The following GPR158 variants were observed in gnomAD, a reference collection of about 807,000 sequenced individuals.
The protein encoded by GPR158 is G protein-coupled receptor 158, also known as metabotropic glycine receptor.
In GPR158, 30 loss-of-function variants were observed where a neutral mutation model predicts 78.2. The ratio of observed to expected loss-of-function variants is 0.38; its 90% CI spans 0.29 to 0.52. GPR158 has a LOEUF of 0.52. Ranked by LOEUF, GPR158 falls within the 20% of genes least tolerant of loss-of-function variation. The pLI is 0.83. For missense variants in GPR158, 1,463 were observed against 1,523.5 expected (o/e 0.96, Z 0.66); for synonymous variants, 581 against 591.1 (o/e 0.98, Z 0.25).
chr10:25,323,901 C>T (rs1284163555), intron 2 of GPR158, among the ~76,000 whole-genome samples: 1 of 152,188 alleles, frequency 6.6e-6, no homozygotes, highest in Admixed American at 6.5e-5. Context: ...ATGTTATAGA[C>T]ATAGTTGCTT....
intron 4 of GPR158, among the ~76,000 whole-genome samples, chr10:25,447,202 G>T (rs1835148719): frequency 6.6e-6 from 1 of 152,130 alleles, no homozygotes; most frequent in African/African-American, 2.4e-5. Context: ...TTTATGTGCA[G>T]TGAGAAATGA....
intron 7 of GPR158, among the ~76,000 whole-genome samples, chr10:25,579,915 T>A (rs574085771): frequency 6.6e-6 from 1 of 152,354 alleles, no homozygotes; most frequent in South Asian, 2.1e-4. Flanking sequence ...ATCACTGATA[T>A]AGCCTAACTC....
intron 5 of GPR158, among the ~76,000 whole-genome samples, chr10:25,481,145 G>A (rs1412054686): frequency 6.6e-6 from 1 of 152,168 alleles, no homozygotes; most frequent in East Asian, 1.9e-4. Flanking sequence ...GGGATGATGA[G>A]CTCAACCAGC....
chr10:25,503,177 GA>G (rs1483635077), intron 5 of GPR158, among the ~76,000 whole-genome samples: 1 of 149,046 alleles, frequency 6.7e-6, no homozygotes, highest in Non-Finnish European at 1.5e-5. Context: ...CTCGTGACCA[GA>G]AGGGGCAACA....
At chr10:25,364,030 A>G (rs1019967064) in intron 2 of GPR158, among the ~76,000 whole-genome samples, 1 of 151,972 alleles carries the variant, frequency 6.6e-6, no homozygotes, top group African/African-American at 2.4e-5. Flanking sequence ...TGCTTAAAAT[A>G]ATGCCTAGCG....
chr10:25,315,103 T>C (rs981012502), intron 2 of GPR158, among the ~76,000 whole-genome samples: 2 of 152,048 alleles, frequency 1.3e-5, no homozygotes, highest in Admixed American at 6.6e-5. Flanking sequence ...GTGAGTTATA[T>C]AGCTCATGAG....
intron 1 of GPR158, among the ~76,000 whole-genome samples, chr10:25,199,672 G>A (rs1852893794): frequency 1.8e-5 from 1 of 57,116 alleles, no homozygotes; most frequent in Admixed American, 1.9e-4. Context: ...GTGTTTGGCA[G>A]TTTCTCCACT....
chr10:25,303,052 G>T (rs1443801668), intron 2 of GPR158, among the ~76,000 whole-genome samples: 7 of 152,114 alleles, frequency 4.6e-5, no homozygotes, highest in Middle Eastern at 3.2e-3. Flanking sequence ...TCAAGATGGA[G>T]AAATTAGATA....
chr10:25,327,565 C>G (rs958959644), intron 2 of GPR158, among the ~76,000 whole-genome samples: 1 of 151,780 alleles, frequency 6.6e-6, no homozygotes, highest in Non-Finnish European at 1.5e-5. Context: ...GATAAAGACT[C>G]TTCATCTGTG....
At chr10:25,432,139 A>T (rs894341408) in intron 4 of GPR158, among the ~76,000 whole-genome samples, 1 of 152,232 alleles carries the variant, frequency 6.6e-6, no homozygotes, top group Admixed American at 6.5e-5. Flanking sequence ...CTAAAAACCA[A>T]TCAAACAAAC....
chr10:25,529,067 G>C (rs1836389241), intron 5 of GPR158, among the ~76,000 whole-genome samples: 1 of 152,128 alleles, frequency 6.6e-6, no homozygotes, highest in Non-Finnish European at 1.5e-5. Flanking sequence ...ATATATGGGA[G>C]GAAGTAACAA....
chr10:25,581,810 C>T (rs1837203261), intron 7 of GPR158, among the ~76,000 whole-genome samples: 1 of 152,114 alleles, frequency 6.6e-6, no homozygotes, highest in African/African-American at 2.4e-5. Context: ...GTTCCCTCCC[C>T]AAACAATACC....
At chr10:25,488,609 C>T (rs995659220) in intron 5 of GPR158, among the ~76,000 whole-genome samples, 3 of 152,100 alleles carry the variant, frequency 2.0e-5, no homozygotes, top group East Asian at 1.9e-4. Flanking sequence ...ATACAGGCTT[C>T]GTTTTGTGGA....
At chr10:25,253,010 C>G (rs1034158051) in intron 2 of GPR158, among the ~76,000 whole-genome samples, 3 of 152,202 alleles carry the variant, frequency 2.0e-5, no homozygotes, top group Non-Finnish European at 2.9e-5. Context: ...GGGATATAGT[C>G]TCGTGGTGTG....
intron 4 of GPR158, among the ~76,000 whole-genome samples, chr10:25,448,403 T>A (rs1835169119): frequency 1.3e-5 from 2 of 152,140 alleles, no homozygotes; most frequent in South Asian, 4.1e-4. Flanking sequence ...TCTGACTTCT[T>A]TAGTAGATAG....
At chr10:25,537,769 T>C (rs898330309) in intron 5 of GPR158, among the ~76,000 whole-genome samples, 2 of 152,064 alleles carry the variant, frequency 1.3e-5, no homozygotes, top group East Asian at 1.9e-4. Context: ...ATTCTCATGA[T>C]AGTGAGTTCT....
rs140990035 is a variant in GPR158, at chr10:25,598,830, G to A, written c.3204G>A (p.Lys1068=). Residue 1068 remains lysine, a synonymous_variant, in exon 11 of 11, where the codon AAG becomes AAA. Coordinates refer to ENST00000376351, the MANE Select transcript of GPR158 (RefSeq NM_020752.3). ...CQQSNQKRID[K]AEVCLWESQG... is the part of the protein sequence containing the mutation. ...AATCCAATCAGAAGCGCATAGATAA[G>A]GCTGAAGTATGCCTTTGGGAGAGCC... 2 of 1,614,008 alleles carry A rather than the reference G, an allele frequency of 1.2e-6. No individual in the cohort carries two copies. The highest frequency in any genetic ancestry group is 2.7e-5 in the African/African-American group (2 of 74,894).
chr10:25,210,095 G>A (rs1292976774), intron 1 of GPR158, among the ~76,000 whole-genome samples: 1 of 152,140 alleles, frequency 6.6e-6, no homozygotes, highest in African/African-American at 2.4e-5. Flanking sequence ...TGACAGAAAG[G>A]AAATCACTCT....
At chr10:25,522,457 T>C (rs1040660443) in intron 5 of GPR158, among the ~76,000 whole-genome samples, 6 of 152,206 alleles carry the variant, frequency 3.9e-5, no homozygotes, top group Non-Finnish European at 8.8e-5. Context: ...ACCCTGTTGA[T>C]GGCAATGCCA....
Sources: gnomAD v4.1 joint callset for allele counts (sites outside exome capture counted in the v4.1 genomes callset) on GRCh38, gnomAD v4.1.1 for gene constraint, MANE v1.5 for transcripts, NCBI Gene and HGNC (gene_info 2026-07-23, HGNC 2026-07-21) for gene names.